Variants in CDH17 observed in about 807,000 individuals in gnomAD.
CDH17 encodes the protein cadherin-17.
CDH17 carries 67 observed loss-of-function variants against 86.3 expected under a neutral mutation model. The observed-to-expected ratio is 0.78, with a 90% CI of 0.64 to 0.95. CDH17 has a LOEUF of 0.95. Ranked by LOEUF, CDH17 falls within the 40% of genes least tolerant of loss-of-function variation. The pLI, the probability that CDH17 is intolerant of heterozygous loss-of-function variation, is 0.00. For missense variants in CDH17, 993 were observed against 1,017.6 expected (o/e 0.98, Z 0.33); for synonymous variants, 367 against 366.4 (o/e 1.00, Z -0.02).
At chr8:94,131,470 G>A (rs1348083216) in intron 15 of CDH17, among the ~76,000 whole-genome samples, 2 of 152,128 alleles carry the variant, frequency 1.3e-5, no homozygotes, top group Non-Finnish European at 2.9e-5. Context: ...AGAACTTCCT[G>A]AACAAAGCTT....
At chr8:94,140,037 AG>A (rs1563566006) in intron 15 of CDH17, among the ~76,000 whole-genome samples, 4 of 152,364 alleles carry the variant, frequency 2.6e-5, no homozygotes, top group Non-Finnish European at 5.9e-5. Flanking sequence ...TATAAGGTAT[AG>A]GAAATATTCC....
chr8:94,177,076 G>T (rs1404664934), intron 4 of CDH17, among the ~76,000 whole-genome samples: 1 of 152,188 alleles, frequency 6.6e-6, no homozygotes, highest in Non-Finnish European at 1.5e-5. Context: ...TCCATAGTAG[G>T]CTCTCTGACT....
At chr8:94,163,283 T>G (rs1813092501) in intron 10 of CDH17, among the ~76,000 whole-genome samples, 1 of 152,216 alleles carries the variant, frequency 6.6e-6, no homozygotes, top group Non-Finnish European at 1.5e-5. Flanking sequence ...ACCCAGAGGT[T>G]CCCTTTGCCC....
chr8:94,128,362 C>G (rs770742946), intron 17 of CDH17, 22 bp from the exon 18 acceptor site: 14 of 1,416,570 alleles, frequency 9.9e-6, no homozygotes, highest in South Asian at 9.3e-5. Flanking sequence ...AACCCAGGGT[C>G]AAATAAATGG....
intron 1 of CDH17, among the ~76,000 whole-genome samples, chr8:94,203,632 T>C (rs1813964539): frequency 6.6e-6 from 1 of 152,170 alleles, no homozygotes; most frequent in Non-Finnish European, 1.5e-5. Flanking sequence ...TCACTCAAGG[T>C]TTAGAGAACC....
intron 15 of CDH17, among the ~76,000 whole-genome samples, chr8:94,141,406 C>T (rs1269053161): frequency 6.6e-6 from 1 of 152,044 alleles, no homozygotes; most frequent in Non-Finnish European, 1.5e-5. Flanking sequence ...AGATCATGAA[C>T]AAGTCAAGTA....
chr8:94,171,317 T>C (rs536138010), intron 7 of CDH17, among the ~76,000 whole-genome samples: 89 of 152,324 alleles, frequency 5.8e-4, no homozygotes, highest in Middle Eastern at 3.4e-3. Context: ...AAACAAAATG[T>C]ACTTTGTGGC....
chr8:94,128,315 G>A lies in CDH17; in HGVS notation c.2424C>T (p.Ile808=). 1 of 1,612,204 alleles carries A rather than the reference G, an allele frequency of 6.2e-7. No homozygotes were observed. The highest frequency in any genetic ancestry group is 1.1e-5 in the South Asian group (1 of 91,016). Residue 808 remains isoleucine (I), a synonymous_variant, in exon 18 of 18, where the codon ATC becomes ATT. Coordinates refer to ENST00000027335, the MANE Select transcript of CDH17 (RefSeq NM_004063.4). ...VIGIILAVVF[I]RIKKDKGKDN... ...CTTTGCCTTTATCCTTCTTTATGCG[G>A]ATAAACACAACTGCTAAAATTATAC... is the stretch of plus-strand genomic sequence containing the variant.
At chr8:94,197,002 C>T (rs1038517328) in intron 1 of CDH17, among the ~76,000 whole-genome samples, 8 of 152,138 alleles carry the variant, frequency 5.3e-5, no homozygotes, top group Non-Finnish European at 1.0e-4. Flanking sequence ...AATCAGATAC[C>T]GCCTCCTCAA....
chr8:94,213,475 G>C (rs375036554), upstream of CDH17, among the ~76,000 whole-genome samples: 10 of 152,290 alleles, frequency 6.6e-5, no homozygotes, highest in East Asian at 1.4e-3. Flanking sequence ...CATGCAAGCT[G>C]GATCTGGTAG....
At chr8:94,215,252 G>GGATAT (rs1814175836) in intron 1 of CDH17, among the ~76,000 whole-genome samples, 1 of 152,162 alleles carries the variant, frequency 6.6e-6, no homozygotes, top group Non-Finnish European at 1.5e-5. Flanking sequence ...TTCATCAACT[G>GGATAT]ATGGATAAAA....
At chr8:94,170,758 T>C (rs2446866) in intron 8 of CDH17, 96 bp downstream of exon 8, 315,009 of 1,451,502 alleles carry the variant, frequency 0.22, 37,113 homozygotes, top group Admixed American at 0.24. Context: ...AAATGTGTGT[T>C]TTTTTTTTCT....
chr8:94,169,269 T>C (rs1813223040), intron 9 of CDH17, among the ~76,000 whole-genome samples: 1 of 152,126 alleles, frequency 6.6e-6, no homozygotes, highest in Non-Finnish European at 1.5e-5. Flanking sequence ...TTCTTCCTTA[T>C]AACGAACTGA....
chr8:94,155,903 A>C (rs1057203126), intron 12 of CDH17, among the ~76,000 whole-genome samples: 2 of 152,222 alleles, frequency 1.3e-5, no homozygotes, highest in African/African-American at 4.8e-5. Flanking sequence ...CACACCTGGA[A>C]AAACATCAAA....
At chr8:94,176,495 A>G (rs1290434242) in intron 5 of CDH17, 46 bp downstream of exon 5, 1 of 1,606,200 alleles carries the variant, frequency 6.2e-7, no homozygotes, top group Admixed American at 1.7e-5. Flanking sequence ...CTTCCACCTG[A>G]CACCCTTCCA....
chr8:94,175,949 T>G (rs1335014983), intron 5 of CDH17, among the ~76,000 whole-genome samples: 1 of 152,102 alleles, frequency 6.6e-6, no homozygotes, highest in Non-Finnish European at 1.5e-5. Flanking sequence ...AGTGCAATAG[T>G]GTGATCACAA....
chr8:94,156,239 G>A (rs76898015), intron 12 of CDH17, among the ~76,000 whole-genome samples: 3,434 of 152,264 alleles, frequency 0.023, 125 homozygotes, highest in African/African-American at 0.079. Context: ...GGTTGAGACT[G>A]GGATATTTAC....
intron 15 of CDH17, among the ~76,000 whole-genome samples, chr8:94,138,497 G>T (rs1457057596): frequency 6.6e-6 from 1 of 152,162 alleles, no homozygotes; most frequent in Non-Finnish European, 1.5e-5. Flanking sequence ...TGAGGTGATG[G>T]AGCACAGGAG....
intron 3 of CDH17, among the ~76,000 whole-genome samples, chr8:94,188,408 G>C (rs561673639): frequency 7.4e-4 from 112 of 152,278 alleles, no homozygotes; most frequent in African/African-American, 2.6e-3. Flanking sequence ...ACTTGCCTTA[G>C]AAGGTAGGTA....
Sources: allele counts gnomAD v4.1 joint callset (sites outside exome capture counted in the v4.1 genomes callset), GRCh38; gene constraint gnomAD v4.1.1; transcripts MANE v1.5; gene names NCBI Gene and HGNC (gene_info 2026-07-23, HGNC 2026-07-21).